Variants in AGMO observed in about 807,000 individuals in gnomAD.
AGMO encodes the protein glyceryl-ether monooxygenase.
In AGMO, 75 loss-of-function variants were observed where a neutral mutation model predicts 60.2. The observed-to-expected ratio is 1.25, with a 90% CI of 1.03 to 1.51. AGMO has a LOEUF of 1.51. Ranked by LOEUF, AGMO falls within the 40% of genes most tolerant of loss-of-function variation. The pLI is 0.00. For synonymous variants in AGMO, 261 were observed against 177.1 expected (o/e 1.47, Z -3.76); for missense variants, 763 against 525.5 (o/e 1.45, Z -4.42).
intron 12 of AGMO, among the ~76,000 whole-genome samples, chr7:15,328,539 GA>G (rs1462399673): frequency 6.6e-6 from 1 of 152,152 alleles, no homozygotes; most frequent in African/African-American, 2.4e-5. Flanking sequence ...AGGAATAATT[GA>G]AAGACCAATC....
At chr7:15,404,006 T>G (rs1450218089) in intron 5 of AGMO, among the ~76,000 whole-genome samples, 1 of 151,912 alleles carries the variant, frequency 6.6e-6, no homozygotes, top group Non-Finnish European at 1.5e-5. Context: ...ATTAGACAGT[T>G]TTCTACTTCA....
chr7:15,284,499 C>A (rs1025490088), intron 12 of AGMO, among the ~76,000 whole-genome samples: 2 of 151,694 alleles, frequency 1.3e-5, no homozygotes, highest in Non-Finnish European at 3.0e-5. Flanking sequence ...TGGAAACGTA[C>A]AATCCTCCTA....
rs1784103298 is a variant in AGMO at position 15,390,742 on chromosome 7, C to T, written c.751G>A (p.Glu251Lys). 1 of 1,609,116 alleles carries T rather than the reference C, an allele frequency of 6.2e-7. No individual in the cohort carries two copies. Among genetic ancestry groups the T allele is most frequent in the Non-Finnish European group, 8.5e-7 (1 of 1,176,330 alleles). The change falls in exon 8 of 13, where the codon GAA becomes AAA. Residue 251 changes from glutamate to lysine, a missense_variant. Coordinates refer to ENST00000342526, the MANE Select transcript of AGMO (RefSeq NM_001004320.2). ...IIWDKIFGTF[E>K]AENEKVVYGL... is the part of the protein sequence containing the mutation. ...TATACAACTTTTTCATTTTCTGCTT[C>T]AAATGTCCCTGGAAGATAAATATAA...
chr7:15,356,930 A>C (rs1408882544), intron 12 of AGMO, among the ~76,000 whole-genome samples: 1 of 149,250 alleles, frequency 6.7e-6, no homozygotes, highest in Non-Finnish European at 1.5e-5. Flanking sequence ...CAACATGGCG[A>C]AATCCCCTCT....
intron 5 of AGMO, among the ~76,000 whole-genome samples, chr7:15,397,161 C>T (rs540617294): frequency 6.6e-6 from 1 of 152,240 alleles, no homozygotes; most frequent in Non-Finnish European, 1.5e-5. Flanking sequence ...CCCAGACAAC[C>T]AAGAGGAAAA....
rs147833185 is a variant in AGMO at position 15,369,110 on chromosome 7, G to A, written c.1075-2888C>T. On this transcript the variant is annotated intron_variant, in intron 10 of 12. Coordinates refer to ENST00000342526, the MANE Select transcript of AGMO (RefSeq NM_001004320.2). Reference sequence around the variant, plus strand: ...ACTGTCTACTTCTAATATATCAAGAGATATATTTAAAATATATCCAGAATA... The same window carrying A: ...ACTGTCTACTTCTAATATATCAAGAAATATATTTAAAATATATCCAGAATA... Among the ~76,000 whole-genome samples, 219 of 152,100 alleles carry A rather than the reference G, an allele frequency of 1.4e-3. 1 individual carries two copies. Among genetic ancestry groups the A allele is most frequent in the African/African-American group, 4.9e-3 (205 of 41,490 alleles).
At chr7:15,249,901 C>T (rs1217240518) in intron 12 of AGMO, among the ~76,000 whole-genome samples, 1 of 152,114 alleles carries the variant, frequency 6.6e-6, no homozygotes, top group Non-Finnish European at 1.5e-5. Flanking sequence ...TAGGTTTATA[C>T]CATTTCTCTT....
rs373256246 is a variant in AGMO, at chr7:15,321,064, T to A, written c.1263+44450A>T. ...TTTGAGAGGACTATTTCATACAATA[T>A]TTTTGTTTGTTTTGCAGTTGTGAAG... On this transcript the variant is annotated intron_variant, in intron 12 of 12. Transcript: ENST00000342526. Among the ~76,000 whole-genome samples, 26 of 152,262 alleles carry A rather than the reference T, an allele frequency of 1.7e-4. No individual in the cohort carries two copies. The South Asian group carries it at 5.4e-3, about 32-fold the overall frequency.
At chr7:15,444,389 C>G (rs112938349) in intron 3 of AGMO, among the ~76,000 whole-genome samples, 1 of 152,112 alleles carries the variant, frequency 6.6e-6, no homozygotes, top group African/African-American at 2.4e-5. Context: ...TTATCTCCAG[C>G]ATGAGAAAAG....
chr7:15,486,582 G>T (rs1782927525), intron 3 of AGMO, among the ~76,000 whole-genome samples: 1 of 152,088 alleles, frequency 6.6e-6, no homozygotes, highest in South Asian at 2.1e-4. Context: ...AAATGTGATA[G>T]TTGAAAGGAA....
chr7:15,190,827 C>T, the AGMO span, among the ~76,000 whole-genome samples: 3 of 151,792 alleles, frequency 2.0e-5, no homozygotes, highest in African/African-American at 7.3e-5. Flanking sequence ...TTGATCTGGA[C>T]CATTGCTCTC....
intron 12 of AGMO, among the ~76,000 whole-genome samples, chr7:15,222,602 A>G (rs1318200119): frequency 6.6e-6 from 1 of 152,040 alleles, no homozygotes; most frequent in Admixed American, 6.6e-5. Flanking sequence ...TATGTCTATT[A>G]ACCTATCCTC....
At position 15,342,172 on chromosome 7, in the gene AGMO, T is replaced by TTAAAA. The variant is rs1554418915; in HGVS notation, c.1263+23341_1263+23342insTTTTA. Among the ~76,000 whole-genome samples, 38 of 54,294 alleles carry TTAAAA rather than the reference T, an allele frequency of 7.0e-4. No individual in the cohort carries two copies. The East Asian group carries it at 9.3e-3, about 13-fold the overall frequency. 35.6% of individuals were successfully genotyped at this position (54,294 alleles called of 152,430 possible). A position where few individuals can be genotyped will look rare whatever the true frequency, so the allele number is the denominator to read the frequency against. ...AGCTGAGAGTAGATACCCACAGAGT[T>TTAAAA]AAAAAAAAAAAAAAAAAAAAAAAAG... On this transcript the variant is annotated intron_variant, in intron 12 of 12. Transcript: ENST00000342526.
intron 12 of AGMO, among the ~76,000 whole-genome samples, chr7:15,237,980 G>C (rs1385509508): frequency 1.3e-5 from 2 of 152,090 alleles, no homozygotes; most frequent in African/African-American, 4.8e-5. Context: ...GAAGGTAGAA[G>C]CCTAACTTTG....
chr7:15,382,931 T>C (rs976577871), intron 10 of AGMO, among the ~76,000 whole-genome samples: 14 of 152,146 alleles, frequency 9.2e-5, no homozygotes, highest in Non-Finnish European at 1.5e-4. Context: ...TATTGTTATA[T>C]AGATGTAACA....
chr7:15,323,486 T>C (rs1781245471), intron 12 of AGMO, among the ~76,000 whole-genome samples: 1 of 152,068 alleles, frequency 6.6e-6, no homozygotes, highest in Admixed American at 6.6e-5. Context: ...ATGGAGATGG[T>C]AGGAGGGATA....
downstream of AGMO, among the ~76,000 whole-genome samples, chr7:15,199,481 T>A (rs1781218193): frequency 6.6e-6 from 1 of 152,198 alleles, no homozygotes; most frequent in South Asian, 2.1e-4. Flanking sequence ...CACATATTTA[T>A]GTATCATTCC....
chr7:15,187,905 C>CG, the AGMO span, among the ~76,000 whole-genome samples: 203 of 151,944 alleles, frequency 1.3e-3, 6 homozygotes, highest in East Asian at 0.028. Context: ...TAACTCCCCC[C>CG]CGACTGCCCA....
At position 15,334,956 on chromosome 7, in the gene AGMO, T is replaced by C. The variant is rs1295630011; in HGVS notation, c.1263+30558A>G. Among the ~76,000 whole-genome samples the C allele has an allele frequency of 5.3e-5, 8 of 152,286 alleles. No individual in the cohort carries two copies. In the South Asian group the frequency reaches 1.2e-3, roughly 24 times the overall value. ...ACTGGCTCTATTTTAGTCAGAAAAG[T>C]CATGCACCAAAATTAAATGTCTGTT... On this transcript the variant is annotated intron_variant, in intron 12 of 12. Coordinates refer to ENST00000342526, the MANE Select transcript of AGMO (RefSeq NM_001004320.2).
Sources: allele counts gnomAD v4.1 joint callset (sites outside exome capture counted in the v4.1 genomes callset), GRCh38; gene constraint gnomAD v4.1.1; transcripts MANE v1.5; gene names NCBI Gene and HGNC (gene_info 2026-07-23, HGNC 2026-07-21).